Variants in KHDRBS2 observed in about 807,000 individuals in gnomAD.
The protein encoded by KHDRBS2 is KH RNA binding domain containing, signal transduction associated 2, also known as KH domain-containing, RNA-binding, signal transduction-associated protein 2.
Under a neutral mutation model 44.3 loss-of-function variants are expected in KHDRBS2, and 26 were observed. The observed-to-expected ratio is 0.59, with a 90% CI of 0.43 to 0.81. The LOEUF (loss-of-function observed/expected upper bound fraction) is 0.81. KHDRBS2 is among the 40% of genes least tolerant of loss of function. The pLI is 0.00. For missense variants in KHDRBS2, 476 were observed against 433.1 expected (o/e 1.10, Z -0.88); for synonymous variants, 194 against 151.1 (o/e 1.28, Z -2.08).
chr6:62,035,038 G>T (rs1157407904), intron 3 of KHDRBS2, among the ~76,000 whole-genome samples: 1 of 151,978 alleles, frequency 6.6e-6, no homozygotes, highest in African/African-American at 2.4e-5. Context: ...TACACCTTTG[G>T]TAGAAATGTA....
chr6:62,188,944 T>C (rs996775809), intron 1 of KHDRBS2, among the ~76,000 whole-genome samples: 2 of 151,954 alleles, frequency 1.3e-5, no homozygotes, highest in African/African-American at 4.8e-5. Context: ...TGAAACCCCA[T>C]CTCTACTAAA....
In KHDRBS2 at chr6:61,954,503, A is replaced by ACATACGTATGTATAC. The variant is rs1221318537; in HGVS notation, c.483+23562_483+23563insGTATACATACGTATG. ...TACACATGCGTATGTATGTATGCAT[A>ACATACGTATGTATAC]ATATATATGAATATATACACATACA... On this transcript the variant is annotated intron_variant, in intron 4 of 8. Transcript: ENST00000281156. Among the ~76,000 whole-genome samples, 323 of 121,460 alleles carry ACATACGTATGTATAC rather than the reference A, an allele frequency of 2.7e-3. 5 individuals carry two copies. The highest frequency in any genetic ancestry group is 4.4e-3 in the Non-Finnish European group (253 of 57,620). The allele number at this position is 121,460 out of a possible 152,430, so 79.7% of individuals were successfully genotyped here. A position where few individuals can be genotyped will look rare whatever the true frequency, so the allele number is the denominator to read the frequency against.
the KHDRBS2 span, among the ~76,000 whole-genome samples, chr6:61,577,548 C>A: frequency 6.6e-4 from 101 of 151,986 alleles, no homozygotes; most frequent in Non-Finnish European, 1.0e-3. Context: ...AGACTTTGAA[C>A]GTTTATATAG....
At chr6:61,762,948 G>A (rs1346435743) in intron 6 of KHDRBS2, among the ~76,000 whole-genome samples, 1 of 152,142 alleles carries the variant, frequency 6.6e-6, no homozygotes, top group Non-Finnish European at 1.5e-5. Flanking sequence ...GGAATGAGGG[G>A]TAGAGAGAAG....
intron 4 of KHDRBS2, among the ~76,000 whole-genome samples, chr6:61,967,113 G>C (rs1298870311): frequency 1.3e-5 from 2 of 149,256 alleles, no homozygotes; most frequent in African/African-American, 4.9e-5. Flanking sequence ...TTCATTTAAA[G>C]TCATACAAAT....
At chr6:61,771,008 C>T (rs1173732712) in intron 6 of KHDRBS2, among the ~76,000 whole-genome samples, 1 of 152,152 alleles carries the variant, frequency 6.6e-6, no homozygotes, top group East Asian at 1.9e-4. Context: ...CTCTACAAGC[C>T]AGAAGAGAGT....
intron 6 of KHDRBS2, among the ~76,000 whole-genome samples, chr6:61,807,302 C>A (rs2127591506): frequency 6.6e-6 from 1 of 152,148 alleles, no homozygotes; most frequent in Admixed American, 6.6e-5. Context: ...CCATTTGGCC[C>A]AGCAATCCCA....
chr6:61,632,013 A>G, the KHDRBS2 span, among the ~76,000 whole-genome samples: 1 of 152,200 alleles, frequency 6.6e-6, no homozygotes, highest in Non-Finnish European at 1.5e-5. Flanking sequence ...TAAACAGAGA[A>G]CAAGGTAAAA....
At chr6:61,970,769 AC>A (rs1243514661) in intron 4 of KHDRBS2, among the ~76,000 whole-genome samples, 1 of 152,120 alleles carries the variant, frequency 6.6e-6, no homozygotes. Flanking sequence ...CACATCACCT[AC>A]CAGTCTCATT....
chr6:62,269,657 A>G (rs1430843605), intron 1 of KHDRBS2, among the ~76,000 whole-genome samples: 2 of 152,264 alleles, frequency 1.3e-5, no homozygotes, highest in African/African-American at 4.8e-5. Context: ...TAGTATAAGC[A>G]TTCTAGAAAA....
chr6:61,725,505 GCT>G (rs908670203), intron 7 of KHDRBS2, among the ~76,000 whole-genome samples: 1 of 151,922 alleles, frequency 6.6e-6, no homozygotes, highest in African/African-American at 2.4e-5. Context: ...GAATCCAGGA[GCT>G]GGTTTTTTGA....
At chr6:62,082,985 G>C (rs1797688609) in intron 2 of KHDRBS2, among the ~76,000 whole-genome samples, 1 of 152,092 alleles carries the variant, frequency 6.6e-6, no homozygotes, top group South Asian at 2.1e-4. Context: ...GATATGGATA[G>C]GAGGCAGAGA....
At chr6:61,934,685 C>T (rs893737713) in intron 4 of KHDRBS2, among the ~76,000 whole-genome samples, 1 of 152,004 alleles carries the variant, frequency 6.6e-6, no homozygotes, top group East Asian at 1.9e-4. Flanking sequence ...AAGAAATAAA[C>T]TTCATGTTGT....
At chr6:61,902,506 A>C (rs1038769274) in intron 4 of KHDRBS2, among the ~76,000 whole-genome samples, 5 of 149,600 alleles carry the variant, frequency 3.3e-5, no homozygotes, top group Non-Finnish European at 5.9e-5. Flanking sequence ...TTTACTAATC[A>C]ACACACACAC....
At chr6:61,867,832 T>C (rs1199816723) in intron 6 of KHDRBS2, among the ~76,000 whole-genome samples, 1 of 152,150 alleles carries the variant, frequency 6.6e-6, no homozygotes, top group Non-Finnish European at 1.5e-5. Context: ...GGGAGCTCCA[T>C]CCCAGGGGGT....
chr6:61,927,350 C>T (rs1809172590), intron 4 of KHDRBS2, among the ~76,000 whole-genome samples: 1 of 152,012 alleles, frequency 6.6e-6, no homozygotes, highest in African/African-American at 2.4e-5. Context: ...TTTTTACTCT[C>T]AAGCAGCATA....
the KHDRBS2 span, among the ~76,000 whole-genome samples, chr6:61,614,457 T>C: frequency 6.6e-6 from 1 of 152,222 alleles, no homozygotes; most frequent in Non-Finnish European, 1.5e-5. Flanking sequence ...CACTACAAAA[T>C]AATATAATTT....
At chr6:61,556,393 G>A in the KHDRBS2 span, among the ~76,000 whole-genome samples, 1 of 152,202 alleles carries the variant, frequency 6.6e-6, no homozygotes, top group Non-Finnish European at 1.5e-5. Flanking sequence ...GAATGGGAAA[G>A]AAGTCAAGCT....
intron 2 of KHDRBS2, among the ~76,000 whole-genome samples, chr6:62,120,284 G>A (rs1172709461): frequency 6.6e-6 from 1 of 152,134 alleles, no homozygotes; most frequent in African/African-American, 2.4e-5. Context: ...GGATGCTAGA[G>A]TGAATTAGTC....
Sources: gnomAD v4.1 joint callset for allele counts (sites outside exome capture counted in the v4.1 genomes callset) on GRCh38, gnomAD v4.1.1 for gene constraint, MANE v1.5 for transcripts, NCBI Gene and HGNC (gene_info 2026-07-23, HGNC 2026-07-21) for gene names.